Variants in EXD3 observed in about 807,000 individuals in gnomAD.
EXD3 encodes exonuclease mut-7 homolog.
Under a neutral mutation model 98.0 loss-of-function variants are expected in EXD3, and 92 were observed. The observed-to-expected ratio is 0.94, with a 90% CI of 0.79 to 1.12. EXD3 has a LOEUF of 1.12. Ranked by LOEUF, EXD3 falls within the 50% of genes most tolerant of loss-of-function variation. The pLI is 0.00. For missense variants in EXD3, 1,222 were observed against 1,191.6 expected, an observed-to-expected ratio of 1.03 and a Z score of -0.38; for synonymous variants, 569 against 526.0, an observed-to-expected ratio of 1.08 and a Z score of -1.12.
At chr9:137,319,821 C>G (rs541111684) in intron 19 of EXD3, among the ~76,000 whole-genome samples, 4 of 152,238 alleles carry the variant, frequency 2.6e-5, no homozygotes, top group Non-Finnish European at 4.4e-5. Context: ...CTGGCCCCAT[C>G]GCACTGGCCC....
chr9:137,312,161 G>A lies in EXD3; in HGVS notation c.2185-2461C>T, dbSNP rs767993000. ...GGCAGAGACAAGTGGGGCCTGACGGGGACCCTGAGCAGAGGTCAAGGCTGT... is the reference window on the plus strand; with the variant it reads ...GGCAGAGACAAGTGGGGCCTGACGGAGACCCTGAGCAGAGGTCAAGGCTGT... On this transcript the variant is annotated intron_variant, in intron 19 of 21. Transcript: ENST00000340951. Among the ~76,000 whole-genome samples, 49 of 152,280 alleles carry A rather than the reference G, an allele frequency of 3.2e-4. No individual in the cohort carries two copies. The Middle Eastern group carries it at 0.02, about 63-fold the overall frequency.
chr9:137,349,425 T>G lies in EXD3; in HGVS notation c.1601A>C (p.Gln534Pro). ...CCTCCGGTCCCAGTTGGACAGCTGC[T>G]GCGTCTTGTCCAGGGCTGTGCCCAG... ...QVLGTALDKT[Q>P]QLSNWDRRPL... Residue 534 changes from glutamine (Q) to proline (P), a missense_variant, in exon 15 of 22, where the codon CAG (glutamine) becomes CCG (proline). By Grantham distance (76) the Gln-to-Pro change is moderately conservative (BLOSUM62 -1). Coordinates refer to ENST00000340951, the MANE Select transcript of EXD3 (RefSeq NM_017820.5). The surrounding 1 kb of genome is among the most constrained non-coding windows in gnomAD (Gnocchi z 7.4). The G allele has an allele frequency of 6.2e-7, 1 of 1,600,464 alleles. No individual in the cohort carries two copies.
intron 17 of EXD3, among the ~76,000 whole-genome samples, chr9:137,346,735 C>T (rs1032834233): frequency 6.6e-6 from 1 of 150,662 alleles, no homozygotes; most frequent in Non-Finnish European, 1.5e-5. Flanking sequence ...CTCCACTCAT[C>T]CCCTGATTCT....
At position 137,407,537 on chromosome 9, in the gene EXD3, T is replaced by C. The variant is rs1034524768; in HGVS notation, c.-47-12133A>G. Among the ~76,000 whole-genome samples the C allele has an allele frequency of 6.6e-6, 1 of 151,942 alleles. No individual in the cohort carries two copies. Among genetic ancestry groups the C allele is most frequent in the Non-Finnish European group, 1.5e-5 (1 of 67,982 alleles). On this transcript the variant is annotated intron_variant, in intron 1 of 21. Transcript: ENST00000340951. This position sits in a 1 kb window ranked among gnomAD's most constrained non-coding sequence, Gnocchi z 4.4. ...CCAGAACCCAGCGTCCCCGCCCCCA[T>C]CTCCCGGGATCCCTTGGCTAAGGGA...
In EXD3 at chr9:137,374,862, C is replaced by A. The variant is rs1416554413; in HGVS notation, c.121-1263G>T. 4.1e-6 allele frequency: 4 copies of A among 985,382 alleles called. No individual in the cohort carries two copies. The Admixed American group carries it at 2.5e-4, about 61-fold the overall frequency. 61.0% of individuals were successfully genotyped at this position (985,382 alleles called of 1,614,324 possible). A position where few individuals can be genotyped will look rare whatever the true frequency, so the allele number is the denominator to read the frequency against. ...AGGAGCTCCAGGAACTTAGTCCTAG[C>A]CCTAGTGAGTTCTAACTCTAGTGAG... On this transcript the variant is annotated intron_variant, in intron 3 of 21. Coordinates refer to ENST00000340951, the MANE Select transcript of EXD3 (RefSeq NM_017820.5).
chr9:137,373,632 T>G, intron 3 of EXD3, 33 bp from the exon 4 acceptor site: 1 of 1,563,362 alleles, frequency 6.4e-7, no homozygotes, highest in Non-Finnish European at 8.7e-7. Flanking sequence ...TGGCACTTTG[T>G]CTTGCACTCA....
Position 137,351,089 on chromosome 9 carries a change from A to T in EXD3, c.1443T>A (p.His481Gln). 1 of 1,583,110 alleles carries T rather than the reference A, an allele frequency of 6.3e-7. No individual in the cohort carries two copies. The part of the protein sequence containing the change: ...KLGTSCPALA[H>Q]VEKQILGGMD... ...TGCCGCCCAGAATCTGCTTCTCCAC[A>T]TGGGCCAGGGCGGGGCAGGACGTGC... is the stretch of plus-strand genomic sequence containing the variant. Residue 481 changes from histidine to glutamine, a missense_variant, in exon 14 of 22, where the codon CAT (histidine) becomes CAA (glutamine). Transcript: ENST00000340951.
At chr9:137,308,335 C>T (rs1483131780) in intron 20 of EXD3, among the ~76,000 whole-genome samples, 1 of 152,176 alleles carries the variant, frequency 6.6e-6, no homozygotes, top group Non-Finnish European at 1.5e-5. Flanking sequence ...ACGCCCCCAC[C>T]CCAGCCCCAG....
intron 17 of EXD3, among the ~76,000 whole-genome samples, chr9:137,329,370 AGCTACACGGGAG>A (rs1832795909): frequency 3.1e-4 from 1 of 3,222 alleles, no homozygotes. Flanking sequence ...ACTACACGGG[AGCTACACGGGAG>A]CTACACGGGA....
rs753946629 is a variant in EXD3, at chr9:137,321,807, G to A, written c.2184+1918C>T. Among the ~76,000 whole-genome samples the A allele has an allele frequency of 7.9e-5, 12 of 152,282 alleles. No homozygotes were observed. In the Middle Eastern group the frequency reaches 0.01, roughly 129 times the overall value. ...CTGGAAGCAGCCCGTACCCTCCACCGGGAACTGCCGAGAGCCAGCACAGCC... is the reference window on the plus strand; with the variant it reads ...CTGGAAGCAGCCCGTACCCTCCACCAGGAACTGCCGAGAGCCAGCACAGCC... On this transcript the variant is annotated intron_variant, in intron 19 of 21. Coordinates refer to ENST00000340951, the MANE Select transcript of EXD3 (RefSeq NM_017820.5).
rs1163257289 is a variant in EXD3, at chr9:137,316,432, C to T, written c.2185-6732G>A. Reference sequence around the variant, plus strand: ...TCGCTGGGGGACTCGGCCCCCCGCCCGCAGAGGGGGGTAGCCCGCGCGCCC... The same window carrying T: ...TCGCTGGGGGACTCGGCCCCCCGCCTGCAGAGGGGGGTAGCCCGCGCGCCC... On this transcript the variant is annotated intron_variant, in intron 19 of 21. Transcript: ENST00000340951. Among the ~76,000 whole-genome samples the T allele has an allele frequency of 1.3e-5, 2 of 152,168 alleles. 1 individual carries two copies. The highest frequency in any genetic ancestry group is 4.1e-4 in the South Asian group (2 of 4,832).
rs779217050 is a variant in EXD3, at chr9:137,324,159, G to C, written c.1999-16C>G. Reference sequence around the variant, plus strand: ...GCCTGGCAACCTGTGTGGGAGGTGCGACCAGCACATAAAGGGGGCAGCTCC... The same window carrying C: ...GCCTGGCAACCTGTGTGGGAGGTGCCACCAGCACATAAAGGGGGCAGCTCC... On this transcript the variant is annotated splice_polypyrimidine_tract_variant and intron_variant, in intron 17 of 21. Coordinates refer to ENST00000340951, the MANE Select transcript of EXD3 (RefSeq NM_017820.5). This position sits in a 1 kb window ranked among gnomAD's most constrained non-coding sequence, Gnocchi z 4.1. The C allele has an allele frequency of 6.4e-6, 10 of 1,567,274 alleles. No individual in the cohort carries two copies. The African/African-American group carries it at 1.4e-4, about 21-fold the overall frequency.
intron 17 of EXD3, among the ~76,000 whole-genome samples, chr9:137,342,422 G>A (rs1219047330): frequency 6.6e-6 from 1 of 152,090 alleles, no homozygotes; most frequent in East Asian, 1.9e-4. Flanking sequence ...GGCACCAGGA[G>A]CCGTCTCCCA....
rs752555631 is a variant in EXD3, at chr9:137,354,601, A to G, written c.831+99T>C. On this transcript the variant is annotated intron_variant, in intron 9 of 21. Transcript: ENST00000340951. ...GGGCAAGAAGCAGCTCCTACTTGATATGTCTGTGCACCCTGCAGTGCGCAG... is the reference window on the plus strand; with the variant it reads ...GGGCAAGAAGCAGCTCCTACTTGATGTGTCTGTGCACCCTGCAGTGCGCAG... The G allele has an allele frequency of 7.7e-6, 12 of 1,566,730 alleles. No homozygotes were observed. The East Asian group carries it at 1.9e-4, about 24-fold the overall frequency.
At chr9:137,357,834 G>C (rs748195759) in intron 7 of EXD3, among the ~76,000 whole-genome samples, 2 of 151,930 alleles carry the variant, frequency 1.3e-5, no homozygotes, top group Non-Finnish European at 2.9e-5. Context: ...GGAGCACAGA[G>C]AGCCAGCCCG....
intron 1 of EXD3, among the ~76,000 whole-genome samples, chr9:137,396,512 C>T (rs1356788503): frequency 6.6e-6 from 1 of 152,172 alleles, no homozygotes; most frequent in Admixed American, 6.5e-5. Flanking sequence ...GGGAGACGGA[C>T]CTGTGTGTGT....
intron 1 of EXD3, among the ~76,000 whole-genome samples, chr9:137,422,292 A>T (rs1838567007): frequency 6.6e-6 from 1 of 152,126 alleles, no homozygotes. Flanking sequence ...TGAGAAAGAA[A>T]AAAATCATTT....
chr9:137,356,180 C>G (rs891745027), intron 8 of EXD3, 88 bp downstream of exon 8: 1 of 999,618 alleles, frequency 1.0e-6, no homozygotes, highest in Non-Finnish European at 1.5e-6. Flanking sequence ...ACCTGAACAA[C>G]GGGCAGCCCC....
intron 19 of EXD3, among the ~76,000 whole-genome samples, chr9:137,313,957 G>C (rs1428420644): frequency 6.6e-6 from 1 of 152,148 alleles, no homozygotes; most frequent in Admixed American, 6.5e-5. Context: ...TCCTCACATC[G>C]GGAAGAGGGA....
Sources: allele counts gnomAD v4.1 joint callset (sites outside exome capture counted in the v4.1 genomes callset), GRCh38; gene constraint gnomAD v4.1.1; non-coding constraint Gnocchi (gnomAD v3.1); transcripts MANE v1.5; gene names NCBI Gene and HGNC (gene_info 2026-07-23, HGNC 2026-07-21).